Variants in MIER3 observed in about 807,000 individuals in gnomAD.
MIER3 encodes the protein MIER family member 3, also known as mesoderm induction early response protein 3.
A neutral mutation model predicts 63.2 loss-of-function variants in MIER3; 9 were observed. The ratio of observed to expected loss-of-function variants is 0.14; its 90% CI spans 0.09 to 0.25. The LOEUF is 0.25. MIER3 is among the 10% of genes least tolerant of loss of function. The pLI is 1.00. For missense variants in MIER3, 512 were observed against 666.2 expected, an observed-to-expected ratio of 0.77 and a Z score of 2.55; for synonymous variants, 205 against 224.9, an observed-to-expected ratio of 0.91 and a Z score of 0.79.
Position 56,933,236 on chromosome 5 carries a change from C to G in MIER3, c.747+11G>C. The G allele has an allele frequency of 6.4e-7, 1 of 1,568,728 alleles. No homozygotes were observed. On this transcript the variant is annotated intron_variant, in intron 8 of 12. Coordinates refer to ENST00000381199, the MANE Select transcript of MIER3 (RefSeq NM_001297599.2). ...AAACTGGCTGCTGTTTCAACAGAAG[C>G]TGAAGTATACCTGTTCATTGTCCCT...
intron 3 of MIER3, among the ~76,000 whole-genome samples, chr5:56,944,737 T>A (rs1750769810): frequency 6.6e-6 from 1 of 152,134 alleles, no homozygotes; most frequent in Admixed American, 6.5e-5. Flanking sequence ...TGTCACATAC[T>A]CTGGAATACA....
Position 56,938,987 on chromosome 5 carries a change from C to T in MIER3, c.211G>A (p.Ala71Thr), listed in dbSNP as rs766967862. 2 of 1,614,122 alleles carry T rather than the reference C, an allele frequency of 1.2e-6. No individual in the cohort carries two copies. The highest frequency in any genetic ancestry group is 1.1e-5 in the South Asian group (1 of 91,084). Residue 71 changes from alanine (A) to threonine (T), a missense_variant, in exon 4 of 13, where the codon GCA becomes ACA. Transcript: ENST00000381199. The part of the protein sequence containing the change: ...EGTMPLEDLL[A>T]FYGYEPTIPA... ...ATTGTAGGTTCATAGCCATAGAATG[C>T]CAGTAAATCTTCTAGAGGCATGGTT...
At chr5:56,937,539 C>A (rs368478234) in intron 5 of MIER3, 39 bp downstream of exon 5, 1 of 1,573,634 alleles carries the variant, frequency 6.4e-7, no homozygotes, top group Non-Finnish European at 8.6e-7. Context: ...GCTACAGTAT[C>A]AATGTTACTA....
intron 3 of MIER3, among the ~76,000 whole-genome samples, chr5:56,943,803 G>A (rs1437584667): frequency 3.3e-5 from 5 of 152,170 alleles, no homozygotes; most frequent in Non-Finnish European, 7.3e-5. Flanking sequence ...ATCTGTGGTA[G>A]CTAAATCAGC....
chr5:56,940,007 T>C (rs1750587819), intron 3 of MIER3, among the ~76,000 whole-genome samples: 1 of 152,224 alleles, frequency 6.6e-6, no homozygotes, highest in South Asian at 2.1e-4. Flanking sequence ...CACATGACTA[T>C]GTTTTAACTA....
In MIER3 at chr5:56,929,198, C is replaced by T. The variant is rs142983281; in HGVS notation, c.830-337G>A. On this transcript the variant is annotated intron_variant, in intron 9 of 12. Coordinates refer to ENST00000381199, the MANE Select transcript of MIER3 (RefSeq NM_001297599.2). ...AAAAAAAATTTTTTTAAACAATGAG[C>T]GTATTTTTCAATTAGAAAAAAAAAC... is the stretch of plus-strand genomic sequence containing the variant. The T allele has an allele frequency of 3.7e-3, 641 of 172,078 alleles. 7 individuals carry two copies. The highest frequency in any genetic ancestry group is 0.012 in the African/African-American group (517 of 42,336). 10.7% of individuals were successfully genotyped at this position (172,078 alleles called of 1,614,324 possible).
chr5:56,951,020 T>C (rs1195590780), intron 1 of MIER3, among the ~76,000 whole-genome samples: 1 of 151,988 alleles, frequency 6.6e-6, no homozygotes, highest in African/African-American at 2.4e-5. Context: ...CCCACCCGGC[T>C]CTCCGAAGCC....
intron 3 of MIER3, among the ~76,000 whole-genome samples, chr5:56,943,205 G>C (rs566359972): frequency 1.3e-5 from 2 of 152,036 alleles, no homozygotes; most frequent in Non-Finnish European, 2.9e-5. Context: ...AGACTGAACG[G>C]GAGGGAAGAA....
Position 56,925,776 on chromosome 5 carries a change from C to T in MIER3, c.925-1734G>A, listed in dbSNP as rs187374670. Among the ~76,000 whole-genome samples, 21 of 151,792 alleles carry T rather than the reference C, an allele frequency of 1.4e-4. 1 individual carries two copies. In the East Asian group the frequency reaches 3.9e-3, roughly 28 times the overall value. The stretch of plus-strand genomic sequence containing the variant: ...AATTTTATATGGAAAGGCAAAATAC[C>T]CAGAATAGCCAACATAGTATTACGA... On this transcript the variant is annotated intron_variant, in intron 10 of 12. Coordinates refer to ENST00000381199, the MANE Select transcript of MIER3 (RefSeq NM_001297599.2).
At position 56,946,988 on chromosome 5, in the gene MIER3, C is replaced by G. The variant is rs150101570; in HGVS notation, c.118G>C (p.Glu40Gln). The change falls in exon 3 of 13, where the codon GAA becomes CAA. Residue 40 changes from glutamate (E) to glutamine (Q), a missense_variant. By Grantham distance (29) the Glu-to-Gln change is conservative. Coordinates refer to ENST00000381199, the MANE Select transcript of MIER3 (RefSeq NM_001297599.2). ...VHDYDDERTL[E>Q]EEEMMDEGKN... ...CCCTCATCCATCATTTCCTCTTCTT[C>G]AAGAGTTCTTTCATCATCATAGTCA... is the stretch of plus-strand genomic sequence containing the variant. The G allele has an allele frequency of 3.1e-6, 5 of 1,609,394 alleles. No homozygotes were observed. The highest frequency in any genetic ancestry group is 4.2e-6 in the Non-Finnish European group (5 of 1,178,462).
At chr5:56,940,235 G>A (rs1304582267) in intron 3 of MIER3, among the ~76,000 whole-genome samples, 2 of 152,118 alleles carry the variant, frequency 1.3e-5, no homozygotes, top group Admixed American at 1.3e-4. Flanking sequence ...TCACGAACTA[G>A]TTAATCTGTT....
At chr5:56,950,744 C>G in intron 1 of MIER3, 92 bp from the exon 2 acceptor site, 3 of 1,434,906 alleles carry the variant, frequency 2.1e-6, no homozygotes, top group South Asian at 2.4e-5. Context: ...CGGAGTCGAG[C>G]GCTCCTCCGC....
chr5:56,924,796 G>C (rs532260038), intron 10 of MIER3, among the ~76,000 whole-genome samples: 17 of 152,256 alleles, frequency 1.1e-4, no homozygotes, highest in African/African-American at 3.9e-4. Context: ...TCCAATAAAT[G>C]CTTTCTCCCT....
At chr5:56,948,505 A>G (rs1374708054) in intron 2 of MIER3, among the ~76,000 whole-genome samples, 1 of 152,038 alleles carries the variant, frequency 6.6e-6, no homozygotes. Context: ...CTCTACTAAC[A>G]ATACAAAAAA....
chr5:56,935,898 G>A (rs1441737046), intron 5 of MIER3, 147 bp from the exon 6 acceptor site: 2 of 649,402 alleles, frequency 3.1e-6, no homozygotes, highest in Non-Finnish European at 5.4e-6. Flanking sequence ...AATCGACATT[G>A]GTCAAAATGA....
At chr5:56,952,060 A>G in intron 1 of MIER3, 34 bp downstream of exon 1, 1 of 1,283,956 alleles carries the variant, frequency 7.8e-7, no homozygotes, top group Non-Finnish European at 1.0e-6. Context: ...CGCCCGCTCC[A>G]GCCCGGCTGC....
chr5:56,949,324 G>A lies in MIER3; in HGVS notation c.34+1304C>T, dbSNP rs1401708263. ...AGTGAGATTGCCCCATTGCACTCCA[G>A]CCTGCATAACGTCTCAAACAAACAA... On this transcript the variant is annotated intron_variant, in intron 2 of 12. Transcript: ENST00000381199. 3.9e-5 allele frequency among the ~76,000 whole-genome samples: 6 copies of A among 152,256 alleles called. No individual in the cohort carries two copies. In the East Asian group the frequency reaches 1.2e-3, roughly 29 times the overall value.
In MIER3 at chr5:56,921,428, T is replaced by C. The variant is rs913733981; in HGVS notation, c.*1700A>G. ...ATACAGGAATGCTATACTTCAGATG[T>C]ATAAATTAGAGACTGATTTTAAGTT... On this transcript the variant is annotated 3_prime_UTR_variant, in exon 13 of 13. Transcript: ENST00000381199. 1.3e-5 allele frequency: 2 copies of C among 152,570 alleles called. No individual in the cohort carries two copies. Among genetic ancestry groups the C allele is most frequent in the African/African-American group, 4.8e-5 (2 of 41,472 alleles). 9.5% of individuals were successfully genotyped at this position (152,570 alleles called of 1,614,324 possible). A position where few individuals can be genotyped will look rare whatever the true frequency, so the allele number is the denominator to read the frequency against.
chr5:56,931,121 C>T (rs1278431479), intron 8 of MIER3, among the ~76,000 whole-genome samples: 1 of 152,164 alleles, frequency 6.6e-6, no homozygotes. Context: ...CATTTCCTCC[C>T]TGTCTCTTTT....
Sources: gnomAD v4.1 joint callset for allele counts (sites outside exome capture counted in the v4.1 genomes callset) on GRCh38, gnomAD v4.1.1 for gene constraint, MANE v1.5 for transcripts, NCBI Gene and HGNC (gene_info 2026-07-23, HGNC 2026-07-21) for gene names.